KDM5B: variants seen among roughly 807,000 people sequenced by gnomAD.
KDM5B encodes lysine demethylase 5B, also known as lysine-specific demethylase 5B.
KDM5B carries 144 observed loss-of-function variants against 193.4 expected under a neutral mutation model. That is an observed-to-expected ratio of 0.74 (90% confidence interval 0.65 to 0.86). The LOEUF (loss-of-function observed/expected upper bound fraction) is 0.86. KDM5B is among the 40% of genes least tolerant of loss of function. KDM5B has a pLI of 0.00. For missense variants in KDM5B, 1,833 were observed against 1,886.9 expected (o/e 0.97, Z 0.53); for synonymous variants, 668 against 682.6 (o/e 0.98, Z 0.33).
intron 1 of KDM5B, among the ~76,000 whole-genome samples, chr1:202,788,952 T>A (rs968785057): frequency 1.3e-5 from 2 of 152,078 alleles, no homozygotes; most frequent in Non-Finnish European, 2.9e-5. Flanking sequence ...GGGGAAGGGA[T>A]TTAGGAAAGA....
intron 1 of KDM5B, among the ~76,000 whole-genome samples, chr1:202,790,951 A>G (rs1337654540): frequency 6.6e-6 from 1 of 152,168 alleles, no homozygotes; most frequent in Non-Finnish European, 1.5e-5. Flanking sequence ...TCTCAGATAT[A>G]GTTATATCAA....
rs1054583081 is a variant in KDM5B at position 202,808,381 on chromosome 1, C to G, written c.-76G>C. ...TGCGAGCTCCGCTCGGTCCGAGACC[C>G]GTGCAGACGCGGCTCGAGCAACAGC... On this transcript the variant is annotated 5_prime_UTR_variant, in exon 1 of 27. Transcript: ENST00000367265. The G allele has an allele frequency of 7.5e-7, 1 of 1,338,186 alleles. No homozygotes were observed. The highest frequency in any genetic ancestry group is 1.0e-6 in the Non-Finnish European group (1 of 1,003,758). 82.9% of individuals were successfully genotyped at this position (1,338,186 alleles called of 1,614,324 possible).
At chr1:202,772,452 G>A (rs955384357) in intron 4 of KDM5B, among the ~76,000 whole-genome samples, 1 of 152,184 alleles carries the variant, frequency 6.6e-6, no homozygotes, top group African/African-American at 2.4e-5. Flanking sequence ...TCAGCTGGCA[G>A]AAGAGAACAG....
intron 5 of KDM5B, among the ~76,000 whole-genome samples, 178 bp from the exon 6 acceptor site, chr1:202,764,323 A>G (rs1170426386): frequency 6.6e-6 from 1 of 152,182 alleles, no homozygotes; most frequent in East Asian, 1.9e-4. Flanking sequence ...CTATTAAAGC[A>G]TGAATGAGAA....
At chr1:202,780,657 A>G (rs888122250) in intron 1 of KDM5B, among the ~76,000 whole-genome samples, 2 of 152,176 alleles carry the variant, frequency 1.3e-5, no homozygotes, top group Non-Finnish European at 2.9e-5. Context: ...ACAATAAAAT[A>G]CCACTCAGCT....
At position 202,730,928 on chromosome 1, in the gene KDM5B, A is replaced by G. The variant is rs1387853943; in HGVS notation, c.4157T>C (p.Val1386Ala). ...PAQQTDRSSP[V>A]RPSSEKNDCC... ...ACTCACCTTCTCACTGCTGGGTCTC[A>G]CTGGTGAGCTTCGGTCAGTCTGCTG... The change falls in exon 25 of 27, where the codon GTG (valine) becomes GCG (alanine). Residue 1386 changes from valine to alanine, a missense_variant. Around this residue, in one of 3 missense-constraint regions of KDM5B, gnomAD observed 1,379 missense variants for 1,349.6 expected, o/e 1.02. Transcript: ENST00000367265. 4 of 1,607,958 alleles carry G rather than the reference A, an allele frequency of 2.5e-6. No homozygotes were observed. The highest frequency in any genetic ancestry group is 2.6e-6 in the Non-Finnish European group (3 of 1,175,950).
At chr1:202,801,415 C>T (rs1658068590) in intron 1 of KDM5B, among the ~76,000 whole-genome samples, 1 of 152,124 alleles carries the variant, frequency 6.6e-6, no homozygotes, top group South Asian at 2.1e-4. Flanking sequence ...TAAAAGAATG[C>T]ATTCCAGTCA....
chr1:202,724,813 A>T lies in KDM5B; in HGVS notation c.*4223T>A, dbSNP rs1426162806. On this transcript the variant is annotated 3_prime_UTR_variant, in exon 27 of 27. Coordinates refer to ENST00000367265, the MANE Select transcript of KDM5B (RefSeq NM_006618.5). ...GAACGTATTGGCAAGGGCAGAAAGG[A>T]AGCATGGTTTGAAACCGCACTCTTC... 6.6e-6 allele frequency: 1 copy of T among 152,178 alleles called. No individual in the cohort carries two copies. The highest frequency in any genetic ancestry group is 1.5e-5 in the Non-Finnish European group (1 of 68,028). The allele number at this position is 152,178 out of a possible 1,614,324, so 9.4% of individuals were successfully genotyped here.
At chr1:202,736,775 G>A (rs1455867045) in intron 20 of KDM5B, among the ~76,000 whole-genome samples, 1 of 152,024 alleles carries the variant, frequency 6.6e-6, no homozygotes, top group Non-Finnish European at 1.5e-5. Flanking sequence ...CCGGGTAGCT[G>A]GGATTACAGG....
rs1180519880 is a variant in KDM5B at position 202,753,669 on chromosome 1, TTTTTTG to T, written c.1539-608_1539-603del. On this transcript the variant is annotated intron_variant, in intron 11 of 26. Transcript: ENST00000367265. The stretch of plus-strand genomic sequence containing the variant: ...ATTTCTCTTTTGTTGTTGTTGTTTT[TTTTTTG>T]TTTTTTTTTTTTGAGACTGAGTCTT... Among the ~76,000 whole-genome samples the T allele has an allele frequency of 2.4e-4, 27 of 112,660 alleles. 1 individual carries two copies. Among genetic ancestry groups the T allele is most frequent in the Admixed American group, 1.1e-3 (10 of 9,286 alleles). The allele number at this position is 112,660 out of a possible 152,430, so 73.9% of individuals were successfully genotyped here. A position where few individuals can be genotyped will look rare whatever the true frequency, so the allele number is the denominator to read the frequency against.
chr1:202,774,838 T>TA lies in KDM5B; in HGVS notation c.283-104dup, dbSNP rs551159271. ...CAGAATATTTAAGTACAATACCACT[T>TA]AAAAAAATTTTTTTTTAATTTAATG... On this transcript the variant is annotated intron_variant, in intron 2 of 26. Coordinates refer to ENST00000367265, the MANE Select transcript of KDM5B (RefSeq NM_006618.5). The TA allele has an allele frequency of 2.0e-4, 220 of 1,118,450 alleles. No individual in the cohort carries two copies. In the African/African-American group the frequency reaches 3.0e-3, roughly 15 times the overall value. 69.3% of individuals were successfully genotyped at this position (1,118,450 alleles called of 1,614,324 possible). A position where few individuals can be genotyped will look rare whatever the true frequency, so the allele number is the denominator to read the frequency against.
chr1:202,730,028 C>T lies in KDM5B; in HGVS notation c.4177-1G>A. 6.2e-7 allele frequency: 1 copy of T among 1,606,860 alleles called. No individual in the cohort carries two copies. Among genetic ancestry groups the T allele is most frequent in the Non-Finnish European group, 8.5e-7 (1 of 1,176,488 alleles). ...CTCGCTTCCCTCGGCAACAGTCATT[C>T]TGGGTGGAAGATAGGAAAGTTCAAT... On this transcript the variant is annotated splice_acceptor_variant, in intron 25 of 26. Transcript: ENST00000367265. LOFTEE classifies it high-confidence loss of function.
chr1:202,764,484 A>G (rs372825915), intron 5 of KDM5B, among the ~76,000 whole-genome samples: 16 of 152,212 alleles, frequency 1.1e-4, no homozygotes, highest in African/African-American at 3.9e-4. Flanking sequence ...AAATTACAAA[A>G]AGTAGCCGGG....
At chr1:202,794,676 G>A (rs1030522499) in intron 1 of KDM5B, among the ~76,000 whole-genome samples, 1 of 152,184 alleles carries the variant, frequency 6.6e-6, no homozygotes, top group African/African-American at 2.4e-5. Flanking sequence ...TTAAGTGACT[G>A]ATTCAAGACC....
At chr1:202,787,650 G>A (rs1657463940) in intron 1 of KDM5B, among the ~76,000 whole-genome samples, 1 of 152,030 alleles carries the variant, frequency 6.6e-6, no homozygotes, top group Admixed American at 6.6e-5. Context: ...CACTTTGGGA[G>A]GCCAAGGCAG....
At position 202,746,131 on chromosome 1, in the gene KDM5B, T is replaced by A; in HGVS notation, c.2198+11A>T. On this transcript the variant is annotated intron_variant, in intron 15 of 26. Coordinates refer to ENST00000367265, the MANE Select transcript of KDM5B (RefSeq NM_006618.5). The stretch of plus-strand genomic sequence containing the variant: ...TTTTCCATAGGAAAAAAAATCGTTC[T>A]TCCTACTTACCGCAATTTATATTTG... 6.2e-7 allele frequency: 1 copy of A among 1,601,734 alleles called. No homozygotes were observed.
At chr1:202,802,474 C>G (rs1229072645) in intron 1 of KDM5B, among the ~76,000 whole-genome samples, 2 of 152,104 alleles carry the variant, frequency 1.3e-5, no homozygotes, top group African/African-American at 4.8e-5. Flanking sequence ...CTCACTGCAA[C>G]CTCTGCCTCC....
chr1:202,741,345 AAAGAG>A lies in KDM5B; in HGVS notation c.2945+17_2945+21del, dbSNP rs767979787. 6.7e-7 allele frequency: 1 copy of A among 1,495,596 alleles called. No homozygotes were observed. Among genetic ancestry groups the A allele is most frequent in the Admixed American group, 2.3e-5 (1 of 44,114 alleles). 92.6% of individuals were successfully genotyped at this position (1,495,596 alleles called of 1,614,324 possible). A position where few individuals can be genotyped will look rare whatever the true frequency, so the allele number is the denominator to read the frequency against. ...AGATAACTGTCCAACCTTCCCAAAG[AAAGAG>A]AAGTCTGCTTTTTCACCTGGCCTTG... On this transcript the variant is annotated intron_variant, in intron 19 of 26. Coordinates refer to ENST00000367265, the MANE Select transcript of KDM5B (RefSeq NM_006618.5).
At chr1:202,748,916 A>G (rs771765451) in intron 14 of KDM5B, 29 bp downstream of exon 14, 2 of 1,563,022 alleles carry the variant, frequency 1.3e-6, no homozygotes, top group East Asian at 4.5e-5. Flanking sequence ...CCCAATGACA[A>G]CATGCAGTTG....
Sources: allele counts gnomAD v4.1 joint callset (sites outside exome capture counted in the v4.1 genomes callset), GRCh38; gene constraint gnomAD v4.1.1; regional missense constraint gnomAD v4.1.1; transcripts MANE v1.5; gene names NCBI Gene and HGNC (gene_info 2026-07-23, HGNC 2026-07-21).